NCAPG: variants seen among roughly 807,000 people sequenced by gnomAD.
The protein encoded by NCAPG is condensin complex subunit 3.
NCAPG carries 69 observed loss-of-function variants against 113.1 expected under a neutral mutation model. The observed-to-expected ratio is 0.61, with a 90% CI of 0.50 to 0.75. The LOEUF is 0.75. Among genes scored for constraint, NCAPG ranks in the 30% least tolerant of loss-of-function variants. NCAPG has a pLI of 0.00. For synonymous variants in NCAPG, 370 were observed against 415.8 expected (o/e 0.89, Z 1.34); for missense variants, 1,058 against 1,177.0 (o/e 0.90, Z 1.48).
In NCAPG at chr4:17,811,249, G is replaced by C; in HGVS notation, c.111+61G>C. ...CGCCCCGGCCCACCCTCCCTCAGGGGCCCTCCGTGGCCCTCGGGCTCGGCG... is the reference window on the plus strand; with the variant it reads ...CGCCCCGGCCCACCCTCCCTCAGGGCCCCTCCGTGGCCCTCGGGCTCGGCG... On this transcript the variant is annotated intron_variant, in intron 1 of 20. Coordinates refer to ENST00000251496, the MANE Select transcript of NCAPG (RefSeq NM_022346.5). This position sits in a 1 kb window ranked among gnomAD's most constrained non-coding sequence, Gnocchi z 5.3. The C allele has an allele frequency of 9.9e-7, 1 of 1,009,548 alleles. No homozygotes were observed. Among genetic ancestry groups the C allele is most frequent in the South Asian group, 1.8e-5 (1 of 55,580 alleles). The allele number at this position is 1,009,548 out of a possible 1,614,324, so 62.5% of individuals were successfully genotyped here. A position where few individuals can be genotyped will look rare whatever the true frequency, so the allele number is the denominator to read the frequency against.
intron 4 of NCAPG, 21 bp downstream of exon 4, chr4:17,815,019 G>A (rs1472534500): frequency 1.9e-6 from 3 of 1,612,788 alleles, no homozygotes; most frequent in Admixed American, 1.7e-5. Context: ...TCAATGTCTT[G>A]TGTTGGCATA....
At chr4:17,835,503 T>C (rs1309651512) in intron 14 of NCAPG, among the ~76,000 whole-genome samples, 2 of 152,304 alleles carry the variant, frequency 1.3e-5, no homozygotes, top group East Asian at 3.9e-4. Context: ...AAACTAATAC[T>C]GTTAATGTGA....
intron 7 of NCAPG, among the ~76,000 whole-genome samples, chr4:17,822,190 CTT>C (rs1159844034): frequency 1.8e-3 from 200 of 111,734 alleles, no homozygotes; most frequent in Non-Finnish European, 3.0e-3. Flanking sequence ...AAGATTAAAT[CTT>C]TTTTTTTTTT....
At chr4:17,833,260 A>G (rs767175974) in intron 13 of NCAPG, among the ~76,000 whole-genome samples, 4 of 151,162 alleles carry the variant, frequency 2.6e-5, no homozygotes, top group Non-Finnish European at 5.9e-5. Flanking sequence ...AATCCCAGCT[A>G]CTCAGGAGGC....
At chr4:17,824,315 A>G (rs1206961191) in intron 9 of NCAPG, among the ~76,000 whole-genome samples, 1 of 152,168 alleles carries the variant, frequency 6.6e-6, no homozygotes, top group African/African-American at 2.4e-5. Context: ...GGCATAGCCA[A>G]AAAAGACAGA....
intron 18 of NCAPG, among the ~76,000 whole-genome samples, 193 bp from the exon 19 acceptor site, chr4:17,840,414 C>A (rs1428989668): frequency 6.6e-6 from 1 of 151,978 alleles, no homozygotes; most frequent in Non-Finnish European, 1.5e-5. Flanking sequence ...CATTTCTCAA[C>A]ATATGACCAT....
At chr4:17,824,886 C>T (rs1721596853) in intron 9 of NCAPG, 82 bp from the exon 10 acceptor site, 2 of 900,354 alleles carry the variant, frequency 2.2e-6, no homozygotes, top group Admixed American at 4.6e-5. Context: ...ATGGTGGATA[C>T]TACTTGGAGT....
chr4:17,828,210 G>GA, intron 11 of NCAPG, 68 bp from the exon 12 acceptor site: 1 of 1,140,086 alleles, frequency 8.8e-7, no homozygotes, highest in African/African-American at 1.5e-5. Context: ...ACAAAGCCCT[G>GA]AGAAAGCAAA....
At position 17,840,181 on chromosome 4, in the gene NCAPG, G is replaced by T. The variant is rs752155188; in HGVS notation, c.2739G>T (p.Leu913Phe). 1.2e-6 allele frequency: 2 copies of T among 1,605,030 alleles called. No homozygotes were observed. Among genetic ancestry groups the T allele is most frequent in the African/African-American group, 2.7e-5 (2 of 74,226 alleles). The change falls in exon 18 of 21, where the codon TTG (leucine) becomes TTT (phenylalanine). Residue 913 changes from leucine (L) to phenylalanine (F), a missense_variant. Physicochemically the swap from Leu to Phe is conservative, Grantham distance 22. Transcript: ENST00000251496. ...CTGAAGCAGCACAGGATGCCACCTTGACTACAACTACTTTCCAAAATGAAG... is the reference window on the plus strand; with the variant it reads ...CTGAAGCAGCACAGGATGCCACCTTTACTACAACTACTTTCCAAAATGAAG... ...DQAEAAQDAT[L>F]TTTTFQNEDE...
chr4:17,830,655 T>C (rs1721832874), intron 12 of NCAPG, among the ~76,000 whole-genome samples: 1 of 151,876 alleles, frequency 6.6e-6, no homozygotes, highest in African/African-American at 2.4e-5. Context: ...TTGGATAGCA[T>C]TGAATCCAAG....
chr4:17,813,850 T>G (rs997740506), intron 3 of NCAPG, among the ~76,000 whole-genome samples: 27 of 152,292 alleles, frequency 1.8e-4, no homozygotes, highest in African/African-American at 6.0e-4. Flanking sequence ...CTAGGTATGT[T>G]TTAGGCACTC....
chr4:17,815,386 A>C (rs767456889), intron 5 of NCAPG, 28 bp downstream of exon 5: 1 of 1,520,906 alleles, frequency 6.6e-7, no homozygotes, highest in East Asian at 2.3e-5. Context: ...ATATATACAA[A>C]ACTTTAGTAG....
At position 17,816,252 on chromosome 4, in the gene NCAPG, G is replaced by A. The variant is rs1020754554; in HGVS notation, c.775+894G>A. On this transcript the variant is annotated intron_variant, in intron 5 of 20. Coordinates refer to ENST00000251496, the MANE Select transcript of NCAPG (RefSeq NM_022346.5). ...GCAACCTGGATACCTCATGTGCGCA[G>A]TTCACAATAGAGTTCCTGCGCCTGA... Among the ~76,000 whole-genome samples, 3 of 152,116 alleles carry A rather than the reference G, an allele frequency of 2.0e-5. No individual in the cohort carries two copies. In the South Asian group the frequency reaches 6.2e-4, roughly 32 times the overall value.
intron 6 of NCAPG, among the ~76,000 whole-genome samples, chr4:17,817,654 T>C (rs1300191089): frequency 6.6e-6 from 1 of 152,176 alleles, no homozygotes; most frequent in Non-Finnish European, 1.5e-5. Flanking sequence ...TCATAGACTA[T>C]CTACTTTAGC....
intron 3 of NCAPG, among the ~76,000 whole-genome samples, chr4:17,813,974 A>G (rs1346840195): frequency 1.3e-5 from 2 of 152,144 alleles, no homozygotes; most frequent in African/African-American, 4.8e-5. Context: ...TGTGTAAAAC[A>G]TAGGTATTTG....
In NCAPG at chr4:17,843,501, AAAATCAGAAC is replaced by A; in HGVS notation, c.*80_*89del. 1 of 1,520,698 alleles carries A rather than the reference AAAATCAGAAC, an allele frequency of 6.6e-7. No homozygotes were observed. The allele number at this position is 1,520,698 out of a possible 1,614,324, so 94.2% of individuals were successfully genotyped here. On this transcript the variant is annotated 3_prime_UTR_variant, in exon 21 of 21. Transcript: ENST00000251496. ...TAATAAAGAAGAAGTTACCCTTGTC[AAAATCAGAAC>A]AAACCTGATGTCTTTCTGAAGATTT...
At chr4:17,840,775 TTA>T in intron 19 of NCAPG, 82 bp downstream of exon 19, 1 of 850,470 alleles carries the variant, frequency 1.2e-6, no homozygotes, top group Non-Finnish European at 1.7e-6. Context: ...GCAAGTTTTC[TTA>T]TCTTTGTTTC....
chr4:17,817,263 G>A lies in NCAPG; in HGVS notation c.778G>A (p.Ala260Thr). Residue 260 changes from alanine (A) to threonine (T), a missense_variant and splice_region_variant, in exon 6 of 21, where the codon GCT becomes ACT. Physicochemically the swap from Ala to Thr is moderately conservative, Grantham distance 58 (BLOSUM62 0). Transcript: ENST00000251496. ...LQQGLNDRSD[A>T]VKQAMQKHLL... ...CTATGTTTCAAATGACTCAATAGAT[G>A]CTGTGAAACAAGCTATGCAGAAGCA... 1.2e-6 allele frequency: 2 copies of A among 1,611,012 alleles called. No homozygotes were observed. The highest frequency in any genetic ancestry group is 8.5e-7 in the Non-Finnish European group (1 of 1,178,374).
intron 13 of NCAPG, among the ~76,000 whole-genome samples, chr4:17,831,470 C>T (rs537816390): frequency 6.6e-6 from 1 of 152,144 alleles, no homozygotes; most frequent in Non-Finnish European, 1.5e-5. Flanking sequence ...GAAGGGGAAA[C>T]ACACAGTGAA....
Sources: allele counts gnomAD v4.1 joint callset (sites outside exome capture counted in the v4.1 genomes callset), GRCh38; gene constraint gnomAD v4.1.1; non-coding constraint Gnocchi (gnomAD v3.1); transcripts MANE v1.5; gene names NCBI Gene and HGNC (gene_info 2026-07-23, HGNC 2026-07-21).